The following ARMC3 variants were observed in gnomAD, a reference collection of about 807,000 sequenced individuals.
ARMC3 encodes the protein armadillo repeat-containing protein 3.
A neutral mutation model predicts 90.3 loss-of-function variants in ARMC3; 74 were observed. The ratio of observed to expected loss-of-function variants is 0.82; its 90% CI spans 0.68 to 0.99. The LOEUF (loss-of-function observed/expected upper bound fraction) is 0.99. ARMC3 is among the 50% of genes least tolerant of loss of function. ARMC3 has a pLI of 0.00. For missense variants in ARMC3, 958 were observed against 1,042.8 expected (o/e 0.92, Z 1.12); for synonymous variants, 334 against 361.8 (o/e 0.92, Z 0.87).
chr10:22,944,835 C>CT (rs1329841410), intron 2 of ARMC3, among the ~76,000 whole-genome samples: 1 of 152,188 alleles, frequency 6.6e-6, no homozygotes, highest in Non-Finnish European at 1.5e-5. Context: ...CTTTGCTCAG[C>CT]TAGAGGCCAC....
chr10:22,968,729 T>A (rs1396510434), intron 8 of ARMC3, among the ~76,000 whole-genome samples: 1 of 152,180 alleles, frequency 6.6e-6, no homozygotes, highest in Non-Finnish European at 1.5e-5. Flanking sequence ...CTAGAACTCC[T>A]GGGCTCAAGC....
chr10:22,972,405 A>C (rs1171293039), intron 8 of ARMC3, among the ~76,000 whole-genome samples: 3 of 152,184 alleles, frequency 2.0e-5, no homozygotes, highest in African/African-American at 4.8e-5. Context: ...TGTAGACATA[A>C]ATTTTTCCTA....
rs764129198 is a variant in ARMC3, at chr10:22,968,359, A to C, written c.786A>C (p.Glu262Asp). The C allele has an allele frequency of 8.1e-6, 13 of 1,614,156 alleles. No individual in the cohort carries two copies. The South Asian group carries it at 1.3e-4, about 16-fold the overall frequency. ...EALAVIANCL[E>D]DMDTMVQIQQ... is the part of the protein sequence containing the mutation. Reference sequence around the variant, plus strand: ...TTGCAGTGATAGCCAATTGCCTTGAAGACATGGATACTATGGTGCAGATTC... The same window carrying C: ...TTGCAGTGATAGCCAATTGCCTTGACGACATGGATACTATGGTGCAGATTC... The change falls in exon 8 of 19, where the codon GAA becomes GAC. Residue 262 changes from glutamate (E) to aspartate (D), a missense_variant. By Grantham distance (45) the Glu-to-Asp change is conservative. Coordinates refer to ENST00000298032, the MANE Select transcript of ARMC3 (RefSeq NM_173081.5).
chr10:23,024,678 A>C (rs541662739), intron 16 of ARMC3, among the ~76,000 whole-genome samples: 1 of 152,254 alleles, frequency 6.6e-6, no homozygotes, highest in Admixed American at 6.5e-5. Flanking sequence ...AAAAACCTAT[A>C]CAAAAAGCTA....
chr10:22,936,835 C>A (rs892400702), intron 2 of ARMC3, among the ~76,000 whole-genome samples: 3 of 152,278 alleles, frequency 2.0e-5, no homozygotes, highest in African/African-American at 7.2e-5. Context: ...TGTATTTCTC[C>A]TTTGTCAGCC....
intron 10 of ARMC3, 60 bp downstream of exon 10, chr10:22,981,760 TCTC>T: frequency 7.2e-7 from 1 of 1,390,624 alleles, no homozygotes; most frequent in South Asian, 1.2e-5. Flanking sequence ...TCCAAGATGT[TCTC>T]CTGTTAGTAT....
intron 14 of ARMC3, among the ~76,000 whole-genome samples, chr10:23,007,477 C>T (rs1019066296): frequency 4.6e-5 from 7 of 152,096 alleles, no homozygotes; most frequent in East Asian, 1.9e-4. Context: ...GGAGCCGAGG[C>T]GGGCAGATCA....
At chr10:22,985,046 A>ATT (rs535085393) in intron 10 of ARMC3, among the ~76,000 whole-genome samples, 15 of 83,608 alleles carry the variant, frequency 1.8e-4, no homozygotes, top group East Asian at 7.6e-4. Context: ...TTAATTTTTC[A>ATT]TTTTTTTTTT....
chr10:22,962,830 A>G (rs1184483555), intron 7 of ARMC3, among the ~76,000 whole-genome samples: 2 of 152,230 alleles, frequency 1.3e-5, no homozygotes. Context: ...ATGATACAAC[A>G]CTGGGAAAAT....
Position 23,032,897 on chromosome 10 carries a change from A to C in ARMC3, c.2283A>C (p.Lys761Asn), listed in dbSNP as rs761746799. ...VAEKMGGKIP[K>N]EKLPDFSWEL... ...AAAAAATGGGTGGTAAGATTCCAAA[A>C]GAGAAACTACCTGATTTCAGCTGGG... Residue 761 changes from lysine to asparagine, a missense_variant, in exon 18 of 19, where the codon AAA becomes AAC. Lys to Asn is a moderately conservative substitution (Grantham distance 94). Coordinates refer to ENST00000298032, the MANE Select transcript of ARMC3 (RefSeq NM_173081.5). The C allele has an allele frequency of 6.2e-7, 1 of 1,612,784 alleles. No individual in the cohort carries two copies. The highest frequency in any genetic ancestry group is 1.3e-5 in the African/African-American group (1 of 74,880).
At chr10:23,000,718 G>T (rs12240971) in intron 11 of ARMC3, among the ~76,000 whole-genome samples, 1 of 152,160 alleles carries the variant, frequency 6.6e-6, no homozygotes, top group Non-Finnish European at 1.5e-5. Context: ...AGCTGTCCAA[G>T]TAATGTGTGA....
chr10:23,010,768 C>T (rs1414459408), intron 16 of ARMC3, among the ~76,000 whole-genome samples: 4 of 106,382 alleles, frequency 3.8e-5, no homozygotes, highest in African/African-American at 1.5e-4. Context: ...TCTTCTCTCC[C>T]CTCTCTTTCC....
chr10:23,034,092 A>G (rs1839031664), intron 18 of ARMC3, among the ~76,000 whole-genome samples: 1 of 152,072 alleles, frequency 6.6e-6, no homozygotes, highest in Admixed American at 6.6e-5. Context: ...AGCGAATTCT[A>G]TTATCTTTCC....
At chr10:22,946,060 T>C in intron 2 of ARMC3, 84 bp from the exon 3 acceptor site, 1 of 977,944 alleles carries the variant, frequency 1.0e-6, no homozygotes, top group Non-Finnish European at 1.5e-6. Context: ...GATTACATTT[T>C]CTTTAAGTTT....
At chr10:22,973,639 G>A (rs1351542586) in intron 8 of ARMC3, among the ~76,000 whole-genome samples, 1 of 150,012 alleles carries the variant, frequency 6.7e-6, no homozygotes, top group Non-Finnish European at 1.5e-5. Context: ...ATATTGTACA[G>A]TTTTATCCTT....
intron 14 of ARMC3, 29 bp from the exon 15 acceptor site, chr10:23,008,247 T>G: frequency 1.8e-6 from 2 of 1,114,292 alleles, no homozygotes; most frequent in Non-Finnish European, 2.6e-6. Flanking sequence ...TTTTAATCTA[T>G]ATATAATTTT....
At chr10:22,997,887 T>C (rs1837069153) in intron 10 of ARMC3, among the ~76,000 whole-genome samples, 2 of 152,182 alleles carry the variant, frequency 1.3e-5, no homozygotes, top group Admixed American at 1.3e-4. Flanking sequence ...CTGAGGTTTC[T>C]AAAAAGTAGT....
At chr10:23,028,836 A>G (rs1838815061) in intron 16 of ARMC3, among the ~76,000 whole-genome samples, 1 of 151,564 alleles carries the variant, frequency 6.6e-6, no homozygotes, top group African/African-American at 2.4e-5. Context: ...ACTCAGGATA[A>G]GCCTAGGAAT....
In ARMC3 at chr10:22,972,935, G is replaced by A. The variant is rs565067512; in HGVS notation, c.916+4446G>A. On this transcript the variant is annotated intron_variant, in intron 8 of 18. Transcript: ENST00000298032. ...GGCCAACCCTTTGAGGGAAGGACCT[G>A]CAGGGAGCCCCCAGATCATCTTTCT... Among the ~76,000 whole-genome samples, 4 of 152,234 alleles carry A rather than the reference G, an allele frequency of 2.6e-5. No homozygotes were observed. In the South Asian group the frequency reaches 8.3e-4, roughly 32 times the overall value.
Sources: gnomAD v4.1 joint callset for allele counts (sites outside exome capture counted in the v4.1 genomes callset) on GRCh38, gnomAD v4.1.1 for gene constraint, MANE v1.5 for transcripts, NCBI Gene and HGNC (gene_info 2026-07-23, HGNC 2026-07-21) for gene names.